Variants in CAPZA2 observed in about 807,000 individuals in gnomAD.
CAPZA2 encodes F-actin-capping protein subunit alpha-2.
In CAPZA2, 13 loss-of-function variants were observed where a neutral mutation model predicts 44.0. That is an observed-to-expected ratio of 0.30 (90% confidence interval 0.19 to 0.47). The LOEUF (loss-of-function observed/expected upper bound fraction) is 0.47. Ranked by LOEUF, CAPZA2 falls within the 20% of genes least tolerant of loss-of-function variation. CAPZA2 has a pLI of 1.00. For missense variants in CAPZA2, 244 were observed against 338.6 expected, an observed-to-expected ratio of 0.72 and a Z score of 2.19; for synonymous variants, 94 against 108.2, an observed-to-expected ratio of 0.87 and a Z score of 0.81.
chr7:116,911,251 A>G (rs948447384), intron 7 of CAPZA2, among the ~76,000 whole-genome samples: 3 of 152,162 alleles, frequency 2.0e-5, no homozygotes, highest in Non-Finnish European at 4.4e-5. Flanking sequence ...TTAGCATAGT[A>G]CCATATGATT....
chr7:116,885,281 G>T (rs1796748409), intron 1 of CAPZA2, among the ~76,000 whole-genome samples: 1 of 151,042 alleles, frequency 6.6e-6, no homozygotes. Flanking sequence ...TGTTTTTAAT[G>T]GATCATGGTT....
chr7:116,894,074 T>G (rs1796889994), intron 3 of CAPZA2, among the ~76,000 whole-genome samples: 1 of 152,052 alleles, frequency 6.6e-6, no homozygotes, highest in South Asian at 2.1e-4. Flanking sequence ...TGTAAAATCC[T>G]GACTGATGGC....
chr7:116,902,323 T>C (rs1401646507), intron 4 of CAPZA2, among the ~76,000 whole-genome samples: 1 of 152,174 alleles, frequency 6.6e-6, no homozygotes, highest in Non-Finnish European at 1.5e-5. Flanking sequence ...CATTTTACTA[T>C]AAATGTTTTT....
intron 4 of CAPZA2, among the ~76,000 whole-genome samples, chr7:116,899,089 AT>A (rs1454413667): frequency 6.6e-6 from 1 of 151,912 alleles, no homozygotes; most frequent in Non-Finnish European, 1.5e-5. Flanking sequence ...CTACTTTCTT[AT>A]TTTTTTCTGG....
intron 1 of CAPZA2, among the ~76,000 whole-genome samples, chr7:116,869,041 TAGAGC>T (rs1257126468): frequency 2.6e-5 from 4 of 152,198 alleles, no homozygotes; most frequent in Non-Finnish European, 5.9e-5. Context: ...TGAAAACACT[TAGAGC>T]AGAGAATCTA....
rs2115993754 is a variant in CAPZA2 at position 116,918,551 on chromosome 7, A to C, written c.*684A>C. The C allele has an allele frequency of 1.3e-5, 2 of 152,726 alleles. No homozygotes were observed. The highest frequency in any genetic ancestry group is 4.1e-4 in the South Asian group (2 of 4,828). 9.5% of individuals were successfully genotyped at this position (152,726 alleles called of 1,614,324 possible). ...GCTTTTTTTCTTGTGACAGTTACGC[A>C]AATCAGCTTGAATTCCATATGTCCC... On this transcript the variant is annotated 3_prime_UTR_variant, in exon 10 of 10. Transcript: ENST00000361183.
At chr7:116,890,017 C>T (rs1796811045) in intron 2 of CAPZA2, among the ~76,000 whole-genome samples, 1 of 152,082 alleles carries the variant, frequency 6.6e-6, no homozygotes, top group African/African-American at 2.4e-5. Flanking sequence ...CAAAAAGTGG[C>T]ATGTAACTTA....
intron 7 of CAPZA2, 112 bp from the exon 8 acceptor site, chr7:116,911,957 A>C (rs974761371): frequency 1.2e-5 from 19 of 1,521,406 alleles, no homozygotes; most frequent in African/African-American, 2.8e-5. Flanking sequence ...TCAGCAGAGA[A>C]GTCTAGACTA....
At chr7:116,885,392 T>A (rs1272018730) in intron 1 of CAPZA2, among the ~76,000 whole-genome samples, 2 of 152,010 alleles carry the variant, frequency 1.3e-5, no homozygotes, top group African/African-American at 2.4e-5. Flanking sequence ...TGACCCAGTG[T>A]TTGGTGGGGA....
intron 3 of CAPZA2, among the ~76,000 whole-genome samples, chr7:116,898,024 A>G (rs1336111477): frequency 6.6e-6 from 1 of 152,136 alleles, no homozygotes; most frequent in Non-Finnish European, 1.5e-5. Flanking sequence ...TCATTTCAGT[A>G]AGTATAACTG....
At chr7:116,899,310 G>A (rs766066289) in intron 4 of CAPZA2, among the ~76,000 whole-genome samples, 10 of 151,554 alleles carry the variant, frequency 6.6e-5, no homozygotes, top group Non-Finnish European at 8.8e-5. Context: ...TTTATTTAGA[G>A]TTTCTAATAA....
intron 8 of CAPZA2, among the ~76,000 whole-genome samples, chr7:116,915,302 CA>C (rs1342258058): frequency 4.2e-4 from 56 of 132,180 alleles, no homozygotes; most frequent in Admixed American, 6.9e-4. Context: ...GACCCTGTCT[CA>C]AAAAAAAAAA....
In CAPZA2 at chr7:116,917,777, C is replaced by CTTA; in HGVS notation, c.772_774dup (p.Leu258dup). On this transcript the variant is annotated inframe_insertion, in exon 10 of 10. Coordinates refer to ENST00000361183, the MANE Select transcript of CAPZA2 (RefSeq NM_006136.3). ...CAATGTCGGACACTACTTTCAAAGC[C>CTTA]TTACGTCGACAGTTGCCAGTTACAC... 6.2e-7 allele frequency: 1 copy of CTTA among 1,608,018 alleles called. No individual in the cohort carries two copies. The highest frequency in any genetic ancestry group is 8.5e-7 in the Non-Finnish European group (1 of 1,174,386).
At chr7:116,898,511 TTGAA>T (rs1200239658) in intron 3 of CAPZA2, among the ~76,000 whole-genome samples, 1 of 152,150 alleles carries the variant, frequency 6.6e-6, no homozygotes. Context: ...TTTCAGGTTC[TTGAA>T]TGAAAAGGCC....
intron 1 of CAPZA2, among the ~76,000 whole-genome samples, chr7:116,864,385 A>G (rs1349290040): frequency 2.0e-5 from 3 of 152,202 alleles, no homozygotes; most frequent in African/African-American, 7.2e-5. Flanking sequence ...ACTAAGCTTC[A>G]TAAAGAGGAA....
At chr7:116,867,030 T>G (rs542645428) in intron 1 of CAPZA2, among the ~76,000 whole-genome samples, 1 of 152,246 alleles carries the variant, frequency 6.6e-6, no homozygotes, top group South Asian at 2.1e-4. Context: ...TAACTTTTTT[T>G]GGCCCTGTAC....
At chr7:116,862,782 C>A (rs907238787) in intron 1 of CAPZA2, 132 bp downstream of exon 1, 19 of 1,003,926 alleles carry the variant, frequency 1.9e-5, no homozygotes, top group Admixed American at 2.6e-5. Flanking sequence ...CTTCCTCCCC[C>A]ATCCTTACTG....
intron 4 of CAPZA2, among the ~76,000 whole-genome samples, chr7:116,900,366 T>C (rs912567939): frequency 2.0e-5 from 3 of 150,968 alleles, no homozygotes; most frequent in African/African-American, 4.9e-5. Context: ...TTTATATATT[T>C]AGGAATACCA....
intron 1 of CAPZA2, among the ~76,000 whole-genome samples, chr7:116,868,630 A>T (rs1054360354): frequency 1.3e-5 from 2 of 152,190 alleles, no homozygotes; most frequent in Non-Finnish European, 2.9e-5. Context: ...GCTACTCGGG[A>T]GGCCGAGGCA....
Sources: allele counts gnomAD v4.1 joint callset (sites outside exome capture counted in the v4.1 genomes callset), GRCh38; gene constraint gnomAD v4.1.1; transcripts MANE v1.5; gene names NCBI Gene and HGNC (gene_info 2026-07-23, HGNC 2026-07-21).